EGFR: variants seen among roughly 807,000 people sequenced by gnomAD.
The protein encoded by EGFR is avian erythroblastic leukemia viral (v-erb-b) oncogene homolog.
Under a neutral mutation model 143.0 loss-of-function variants are expected in EGFR, and 58 were observed. That is an observed-to-expected ratio of 0.41 (90% CI 0.33 to 0.50). EGFR has a LOEUF of 0.50. Ranked by LOEUF, EGFR falls within the 20% of genes least tolerant of loss-of-function variation. EGFR has a pLI of 0.39. For synonymous variants in EGFR, 613 were observed against 594.4 expected (o/e 1.03, Z -0.45); for missense variants, 1,307 against 1,579.0 (o/e 0.83, Z 2.92).
At chr7:55,076,682 C>T (rs1790147415) in intron 1 of EGFR, among the ~76,000 whole-genome samples, 1 of 152,120 alleles carries the variant, frequency 6.6e-6, no homozygotes, top group Non-Finnish European at 1.5e-5. Flanking sequence ...GCATGGCACC[C>T]ACCCCCACTG....
chr7:55,160,081 C>T (rs2128941186), intron 11 of EGFR, 58 bp from the exon 12 acceptor site: 1 of 1,592,350 alleles, frequency 6.3e-7, no homozygotes. Flanking sequence ...ACAAAGTTTT[C>T]AGGGATACAT....
chr7:55,152,597 C>T lies in EGFR; in HGVS notation c.680C>T (p.Ser227Phe), dbSNP rs1046438724. Reference sequence around the variant, plus strand: ...TGCTCCGGGCGCTGCCGTGGCAAGTCCCCCAGTGACTGCTGCCACAACCAG... The same window carrying T: ...TGCTCCGGGCGCTGCCGTGGCAAGTTCCCCAGTGACTGCTGCCACAACCAG... ...QQCSGRCRGK[S>F]PSDCCHNQCA... The change falls in exon 6 of 28, where the codon TCC (serine) becomes TTC (phenylalanine). Residue 227 changes from serine to phenylalanine, a missense_variant. Ser to Phe is a radical substitution (Grantham distance 155). This residue lies in a region of EGFR where 311 missense variants were observed against 412.3 expected (regional missense o/e 0.75). Coordinates refer to ENST00000275493, the MANE Select transcript of EGFR (RefSeq NM_005228.5). 6.2e-7 allele frequency: 1 copy of T among 1,613,854 alleles called. No individual in the cohort carries two copies. The highest frequency in any genetic ancestry group is 1.7e-5 in the Admixed American group (1 of 60,032).
chr7:55,201,272 G>C lies in EGFR; in HGVS notation c.3031G>C (p.Val1011Leu), dbSNP rs1226829354. 17 of 1,614,050 alleles carry C rather than the reference G, an allele frequency of 1.1e-5. No individual in the cohort carries two copies. Among genetic ancestry groups the C allele is most frequent in the Non-Finnish European group, 1.4e-5 (17 of 1,180,052 alleles). ...LMDEEDMDDVVDADEYLIPQQ... is the reference protein window; with the variant it reads ...LMDEEDMDDVLDADEYLIPQQ... ...GGATGAAGAAGACATGGACGACGTG[G>C]TGGATGCCGACGAGTACCTCATCCC... Residue 1011 changes from valine (V) to leucine (L), a missense_variant, in exon 25 of 28, where the codon GTG becomes CTG. Physicochemically the swap from Val to Leu is conservative, Grantham distance 32. Around this residue, in one of 7 missense-constraint regions of EGFR, gnomAD observed 313 missense variants for 312.3 expected, o/e 1.00. Coordinates refer to ENST00000275493, the MANE Select transcript of EGFR (RefSeq NM_005228.5).
chr7:55,156,320 C>G (rs1454205105), intron 8 of EGFR, among the ~76,000 whole-genome samples: 1 of 152,184 alleles, frequency 6.6e-6, no homozygotes, highest in Non-Finnish European at 1.5e-5. Context: ...CCTACACCGC[C>G]GTAGCCCCAA....
At chr7:55,159,889 A>G (rs1349802874) in intron 11 of EGFR, among the ~76,000 whole-genome samples, 2 of 152,212 alleles carry the variant, frequency 1.3e-5, no homozygotes, top group African/African-American at 4.8e-5. Context: ...ACATTAAGGC[A>G]TTTTATTCAT....
intron 3 of EGFR, among the ~76,000 whole-genome samples, chr7:55,146,123 C>T (rs192445137): frequency 4.3e-4 from 65 of 152,086 alleles, no homozygotes; most frequent in African/African-American, 1.5e-3. Context: ...TTTCGTGTCA[C>T]TCTCATATCC....
Position 55,203,450 on chromosome 7 carries a change from C to T in EGFR, c.3271+825C>T, listed in dbSNP as rs1787955277. On this transcript the variant is annotated intron_variant, in intron 27 of 27. Coordinates refer to ENST00000275493, the MANE Select transcript of EGFR (RefSeq NM_005228.5). ...CACAGACACGTACACACACTACAGACATGTATGCACACATACACACACACC... is the reference window on the plus strand; with the variant it reads ...CACAGACACGTACACACACTACAGATATGTATGCACACATACACACACACC... 2.1e-5 allele frequency among the ~76,000 whole-genome samples: 3 copies of T among 141,124 alleles called. No individual in the cohort carries two copies. The Admixed American group carries it at 2.2e-4, about 10-fold the overall frequency. The allele number at this position is 141,124 out of a possible 152,430, so 92.6% of individuals were successfully genotyped here. A position where few individuals can be genotyped will look rare whatever the true frequency, so the allele number is the denominator to read the frequency against.
At chr7:55,076,322 A>G (rs141162016) in intron 1 of EGFR, among the ~76,000 whole-genome samples, 1 of 152,322 alleles carries the variant, frequency 6.6e-6, no homozygotes, top group East Asian at 1.9e-4. Flanking sequence ...CTTCAATCTA[A>G]TGGGAAATGC....
At chr7:55,204,534 G>T (rs55728025) in intron 27 of EGFR, among the ~76,000 whole-genome samples, 26,487 of 114,502 alleles carry the variant, frequency 0.23, 2,955 homozygotes, top group East Asian at 0.52. Context: ...CCACACATAC[G>T]CATATATACA....
intron 15 of EGFR, among the ~76,000 whole-genome samples, chr7:55,167,165 G>A (rs536025907): frequency 7.1e-6 from 1 of 141,316 alleles, no homozygotes; most frequent in Non-Finnish European, 1.5e-5. Context: ...TCACAATGGT[G>A]GTGGTGATGA....
chr7:55,174,635 G>C (rs1427909932), intron 18 of EGFR, 87 bp from the exon 19 acceptor site: 1 of 1,149,848 alleles, frequency 8.7e-7, no homozygotes, highest in Admixed American at 1.7e-5. Flanking sequence ...GGGGTGCATC[G>C]CTGGTAACAT....
chr7:55,170,388 G>T (rs1584216580), intron 15 of EGFR: 1 of 1,614,194 alleles, frequency 6.2e-7, no homozygotes, highest in East Asian at 2.2e-5. Context: ...ATGGCAGCGT[G>T]TCCCACCAGA....
At chr7:55,045,209 C>T (rs1788119853) in intron 1 of EGFR, among the ~76,000 whole-genome samples, 1 of 152,192 alleles carries the variant, frequency 6.6e-6, no homozygotes, top group Non-Finnish European at 1.5e-5. Context: ...AAATCTTTGA[C>T]TTCACTAAGA....
At chr7:55,187,704 C>T (rs1011917930) in intron 20 of EGFR, among the ~76,000 whole-genome samples, 16 of 152,160 alleles carry the variant, frequency 1.1e-4, no homozygotes, top group African/African-American at 3.1e-4. Flanking sequence ...GAGACAGGAG[C>T]GGAGGCTTCT....
intron 27 of EGFR, among the ~76,000 whole-genome samples, chr7:55,204,861 CCACA>C (rs1259689438): frequency 6.7e-6 from 1 of 150,308 alleles, no homozygotes; most frequent in Non-Finnish European, 1.5e-5. Flanking sequence ...CATGCACACA[CCACA>C]CACACATACA....
chr7:55,201,844 G>A, intron 26 of EGFR, 62 bp downstream of exon 26: 2 of 1,568,806 alleles, frequency 1.3e-6, no homozygotes, highest in Non-Finnish European at 1.8e-6. Context: ...TATTTTACAT[G>A]GAAAATGCCT....
rs541278104 is a variant in EGFR at position 55,193,916 on chromosome 7, A to G, written c.2701+1075A>G. ...TCTCTTCTGTTAAAATGTAAGATTT[A>G]TGATACAAAGGCAGAGATTTGTGTC... On this transcript the variant is annotated intron_variant, in intron 22 of 27. Transcript: ENST00000275493. Among the ~76,000 whole-genome samples, 130 of 152,364 alleles carry G rather than the reference A, an allele frequency of 8.5e-4. 1 individual carries two copies. The highest frequency in any genetic ancestry group is 1.9e-3 in the South Asian group (9 of 4,830).
intron 1 of EGFR, among the ~76,000 whole-genome samples, chr7:55,061,649 TGAGAGA>T (rs1174312198): frequency 1.1e-4 from 14 of 132,736 alleles, no homozygotes; most frequent in Non-Finnish European, 9.6e-5. Context: ...TGTGTGTGTG[TGAGAGA>T]GAGAGAGAGA....
intron 20 of EGFR, among the ~76,000 whole-genome samples, chr7:55,184,492 C>T (rs556012911): frequency 1.1e-4 from 17 of 152,140 alleles, no homozygotes; most frequent in Non-Finnish European, 1.6e-4. Context: ...CTTCTACAAA[C>T]GAATATAATA....
Sources: allele counts gnomAD v4.1 joint callset (sites outside exome capture counted in the v4.1 genomes callset), GRCh38; gene constraint gnomAD v4.1.1; regional missense constraint gnomAD v4.1.1; transcripts MANE v1.5; gene names NCBI Gene and HGNC (gene_info 2026-07-23, HGNC 2026-07-21).